Variants in AGBL1 observed in about 807,000 individuals in gnomAD.
AGBL1 encodes the protein cytosolic carboxypeptidase 4.
A neutral mutation model predicts 118.9 loss-of-function variants in AGBL1; 130 were observed. The observed-to-expected ratio is 1.09, with a 90% confidence interval of 0.95 to 1.26. The LOEUF is 1.26. AGBL1 is among the 50% of genes most tolerant of loss of function. The pLI is 0.00. For missense variants in AGBL1, 1,584 were observed against 1,298.1 expected (o/e 1.22, Z -3.38); for synonymous variants, 555 against 478.9 (o/e 1.16, Z -2.08).
At chr15:86,196,877 GCGCACA>G (rs1555446473) in intron 5 of AGBL1, among the ~76,000 whole-genome samples, 20 of 86,388 alleles carry the variant, frequency 2.3e-4, no homozygotes, top group South Asian at 9.0e-4. Context: ...GTGCGCGCGC[GCGCACA>G]CACACACACA....
At chr15:86,836,868 C>A (rs1596535961) in intron 22 of AGBL1, among the ~76,000 whole-genome samples, 1 of 152,270 alleles carries the variant, frequency 6.6e-6, no homozygotes, top group South Asian at 2.1e-4. Context: ...TATGTCTTGT[C>A]CCTGTAACAT....
chr15:86,702,866 A>G lies in AGBL1; in HGVS notation c.3158+28430A>G, dbSNP rs560032219. 9.9e-4 allele frequency among the ~76,000 whole-genome samples: 55 copies of G among 55,502 alleles called. No individual in the cohort carries two copies. In the South Asian group the frequency reaches 0.03, roughly 30 times the overall value. 36.4% of individuals were successfully genotyped at this position (55,502 alleles called of 152,430 possible). On this transcript the variant is annotated intron_variant, in intron 22 of 22. Coordinates refer to ENST00000614907, the MANE Select transcript of AGBL1 (RefSeq NM_001386094.1). ...CCTGGGGTAATTACGTCAACCTCCA[A>G]TGACTTGGACTATAATCTCTGTGCT... is the stretch of plus-strand genomic sequence containing the variant.
chr15:86,092,116 C>T (rs1471008949), intron 1 of AGBL1, among the ~76,000 whole-genome samples: 2 of 152,060 alleles, frequency 1.3e-5, no homozygotes, highest in Non-Finnish European at 2.9e-5. Flanking sequence ...ATAAATATAA[C>T]ATGGTTCTTG....
chr15:86,407,159 A>G, intron 18 of AGBL1, among the ~76,000 whole-genome samples: 1 of 152,130 alleles, frequency 6.6e-6, no homozygotes, highest in East Asian at 1.9e-4. Context: ...TTTTATTTTC[A>G]TTTTTTATAT....
At chr15:86,463,212 G>GT (rs1567005362) in intron 18 of AGBL1, among the ~76,000 whole-genome samples, 8 of 151,232 alleles carry the variant, frequency 5.3e-5, no homozygotes, top group African/African-American at 1.5e-4. Context: ...TTTTTTATGT[G>GT]CTTTTTTGCT....
chr15:86,247,948 G>A, intron 7 of AGBL1, 69 bp downstream of exon 7: 3 of 1,552,740 alleles, frequency 1.9e-6, no homozygotes, highest in East Asian at 4.5e-5. Flanking sequence ...TGTCATTTAG[G>A]AATCATCCCA....
intron 23 of AGBL1, among the ~76,000 whole-genome samples, chr15:86,924,171 A>C (rs925166226): frequency 5.3e-5 from 8 of 152,370 alleles, no homozygotes; most frequent in African/African-American, 1.9e-4. Flanking sequence ...ACACACAGGG[A>C]TGCATACACA....
chr15:86,388,940 C>T (rs185890326), intron 17 of AGBL1, among the ~76,000 whole-genome samples: 3 of 152,236 alleles, frequency 2.0e-5, no homozygotes, highest in Non-Finnish European at 2.9e-5. Flanking sequence ...CAGAGCTAGT[C>T]AGAATTATTT....
intron 21 of AGBL1, among the ~76,000 whole-genome samples, chr15:86,610,868 C>A (rs1445443447): frequency 6.6e-6 from 1 of 152,120 alleles, no homozygotes; most frequent in Non-Finnish European, 1.5e-5. Context: ...TTCACACTGT[C>A]CTGTGCTCTG....
intron 23 of AGBL1, among the ~76,000 whole-genome samples, chr15:86,944,546 C>T (rs2080793760): frequency 6.6e-6 from 1 of 152,038 alleles, no homozygotes; most frequent in Non-Finnish European, 1.5e-5. Context: ...CATCGCTTTG[C>T]TCAGAACTTT....
intron 23 of AGBL1, among the ~76,000 whole-genome samples, chr15:86,922,330 A>T (rs1429501858): frequency 6.6e-6 from 1 of 152,220 alleles, no homozygotes. Context: ...TCGCTCTGTC[A>T]CCCAGGCTGG....
chr15:86,784,947 G>A (rs371338677), intron 22 of AGBL1, among the ~76,000 whole-genome samples: 44 of 152,064 alleles, frequency 2.9e-4, no homozygotes, highest in South Asian at 1.0e-3. Context: ...AAATTAGCTC[G>A]TAAGTTCGTA....
At chr15:86,426,559 AC>A (rs1157649435) in intron 18 of AGBL1, among the ~76,000 whole-genome samples, 25 of 152,224 alleles carry the variant, frequency 1.6e-4, no homozygotes, top group Admixed American at 1.6e-3. Flanking sequence ...GAACCGGCCA[AC>A]AACTGAAGCC....
At chr15:86,444,352 G>T (rs965732885) in intron 18 of AGBL1, among the ~76,000 whole-genome samples, 1 of 152,268 alleles carries the variant, frequency 6.6e-6, no homozygotes, top group East Asian at 1.9e-4. Context: ...TTACTCTAGT[G>T]TTCAGGGAGA....
At chr15:86,540,181 A>G (rs965337508) in intron 19 of AGBL1, among the ~76,000 whole-genome samples, 11 of 152,124 alleles carry the variant, frequency 7.2e-5, no homozygotes, top group Admixed American at 6.5e-5. Flanking sequence ...TAAATTAACT[A>G]TTGTTGCTAT....
At chr15:86,622,515 T>A (rs2084826500) in intron 21 of AGBL1, among the ~76,000 whole-genome samples, 1 of 151,996 alleles carries the variant, frequency 6.6e-6, no homozygotes, top group Non-Finnish European at 1.5e-5. Context: ...TAATTTCAAG[T>A]AATAGTAAAT....
At chr15:86,546,191 C>T in intron 20 of AGBL1, 58 bp downstream of exon 20, 3 of 1,489,810 alleles carry the variant, frequency 2.0e-6, no homozygotes, top group African/African-American at 2.8e-5. Flanking sequence ...TCATTCTTAC[C>T]TTTAAGACCA....
intron 22 of AGBL1, among the ~76,000 whole-genome samples, chr15:86,743,783 G>A (rs2077715582): frequency 2.0e-5 from 3 of 151,976 alleles, no homozygotes; most frequent in Non-Finnish European, 4.4e-5. Context: ...GTTATGAGTT[G>A]GAAATGTTGA....
intron 5 of AGBL1, among the ~76,000 whole-genome samples, chr15:86,219,472 A>G (rs1226598501): frequency 3.3e-5 from 5 of 152,204 alleles, no homozygotes; most frequent in African/African-American, 1.2e-4. Context: ...TATAAATGAG[A>G]AAGGCTATGA....
Sources: allele counts gnomAD v4.1 joint callset (sites outside exome capture counted in the v4.1 genomes callset), GRCh38; gene constraint gnomAD v4.1.1; transcripts MANE v1.5; gene names NCBI Gene and HGNC (gene_info 2026-07-23, HGNC 2026-07-21).